ANXA3: variants seen among roughly 807,000 people sequenced by gnomAD.
The protein encoded by ANXA3 is annexin A3.
ANXA3 carries 46 observed loss-of-function variants against 48.8 expected under a neutral mutation model. The observed-to-expected ratio is 0.94, with a 90% CI of 0.74 to 1.21. ANXA3 has a LOEUF of 1.21. Among genes scored for constraint, ANXA3 ranks in the 50% most tolerant of loss-of-function variants. ANXA3 has a pLI of 0.00. For synonymous variants in ANXA3, 128 were observed against 134.7 expected (o/e 0.95, Z 0.35); for missense variants, 383 against 378.6 (o/e 1.01, Z -0.10).
Position 78,554,418 on chromosome 4 carries a change from A to G in ANXA3, c.-38-18A>G, listed in dbSNP as rs964460369. ...AATCACATATTGATACCATTTACTA[A>G]TTGTTTTCTTTTAATAGATTAGTGT... On this transcript the variant is annotated intron_variant, in intron 1 of 12. Coordinates refer to ENST00000264908, the MANE Select transcript of ANXA3 (RefSeq NM_005139.3). The G allele has an allele frequency of 3.3e-5, 50 of 1,520,786 alleles. 1 individual carries two copies. The South Asian group carries it at 4.8e-4, about 15-fold the overall frequency. 94.2% of individuals were successfully genotyped at this position (1,520,786 alleles called of 1,614,324 possible).
chr4:78,585,955 G>A (rs1723166291), intron 5 of ANXA3, among the ~76,000 whole-genome samples: 1 of 152,100 alleles, frequency 6.6e-6, no homozygotes, highest in Non-Finnish European at 1.5e-5. Flanking sequence ...ATGTTGGTAG[G>A]GTTAATCCTG....
In ANXA3 at chr4:78,601,491, T is replaced by C. The variant is rs5943; in HGVS notation, c.731-19T>C. 8,661 of 1,612,440 alleles carry C rather than the reference T, an allele frequency of 5.4e-3. 453 individuals are homozygous for C. In the African/African-American group the frequency reaches 0.1, roughly 19 times the overall value. ...ATTTCTATTCCGTGAAGCTGAACAT[T>C]ATTTGCTTTTTGTTACAGTTAATTG... On this transcript the variant is annotated intron_variant, in intron 10 of 12. Coordinates refer to ENST00000264908, the MANE Select transcript of ANXA3 (RefSeq NM_005139.3).
chr4:78,558,723 C>A (rs1012665776), intron 2 of ANXA3, among the ~76,000 whole-genome samples: 5 of 152,158 alleles, frequency 3.3e-5, no homozygotes, highest in Admixed American at 2.0e-4. Context: ...TTTTGAATAT[C>A]TCTGCTCAGA....
intron 1 of ANXA3, among the ~76,000 whole-genome samples, chr4:78,553,237 C>A (rs549736328): frequency 1.3e-5 from 2 of 152,302 alleles, no homozygotes; most frequent in Admixed American, 1.3e-4. Context: ...CATTACCATA[C>A]CTCTCTGGGC....
chr4:78,559,132 T>C (rs894531419), intron 2 of ANXA3, among the ~76,000 whole-genome samples: 8 of 152,142 alleles, frequency 5.3e-5, no homozygotes, highest in Non-Finnish European at 1.2e-4. Flanking sequence ...CAGGCTGGAG[T>C]GCAGTGGTGC....
chr4:78,604,005 A>G (rs1269771151), intron 11 of ANXA3: 5 of 261,224 alleles, frequency 1.9e-5, no homozygotes, highest in Admixed American at 5.3e-5. Context: ...CTGTTTTGCA[A>G]TGGCTTACTT....
chr4:78,597,418 A>C lies in ANXA3; in HGVS notation c.730+4A>C. 6.3e-7 allele frequency: 1 copy of C among 1,576,606 alleles called. No homozygotes were observed. The highest frequency in any genetic ancestry group is 8.7e-7 in the Non-Finnish European group (1 of 1,150,526). On this transcript the variant is annotated splice_donor_region_variant and intron_variant, in intron 10 of 12. Coordinates refer to ENST00000264908, the MANE Select transcript of ANXA3 (RefSeq NM_005139.3). ...GAAGACTTACTGTTGGCCATAGGTAAGACTTCGAGTGCTGGTAAACTAAGT... is the reference window on the plus strand; with the variant it reads ...GAAGACTTACTGTTGGCCATAGGTACGACTTCGAGTGCTGGTAAACTAAGT...
At chr4:78,606,268 G>A (rs1723643508) in intron 12 of ANXA3, among the ~76,000 whole-genome samples, 1 of 152,190 alleles carries the variant, frequency 6.6e-6, no homozygotes, top group African/African-American at 2.4e-5. Flanking sequence ...CTGAGACTTG[G>A]GGCCTAGAAG....
At chr4:78,598,052 A>G (rs1262006682) in intron 10 of ANXA3, among the ~76,000 whole-genome samples, 2 of 152,130 alleles carry the variant, frequency 1.3e-5, no homozygotes, top group East Asian at 3.9e-4. Context: ...AGACGTAGGC[A>G]AAGCACAGTG....
intron 7 of ANXA3, 48 bp from the exon 8 acceptor site, chr4:78,595,333 A>T: frequency 6.2e-7 from 1 of 1,600,358 alleles, no homozygotes; most frequent in Non-Finnish European, 8.6e-7. Context: ...TATGTGTTAG[A>T]ATCTTCTATC....
chr4:78,563,676 C>A (rs1255395908), intron 2 of ANXA3, among the ~76,000 whole-genome samples: 2 of 152,094 alleles, frequency 1.3e-5, no homozygotes, highest in Non-Finnish European at 2.9e-5. Flanking sequence ...TTATAAGACA[C>A]CCAGTTTGTG....
intron 10 of ANXA3, among the ~76,000 whole-genome samples, chr4:78,600,796 G>A (rs990647502): frequency 5.3e-5 from 8 of 152,094 alleles, no homozygotes; most frequent in Non-Finnish European, 1.0e-4. Context: ...GCTGTAAATA[G>A]GTTTCTTCCC....
intron 2 of ANXA3, among the ~76,000 whole-genome samples, chr4:78,560,624 G>T (rs1722608183): frequency 6.6e-6 from 1 of 152,160 alleles, no homozygotes; most frequent in African/African-American, 2.4e-5. Flanking sequence ...TAAATTATTT[G>T]TTACATGATT....
At chr4:78,595,746 C>A in intron 8 of ANXA3, 48 bp from the exon 9 acceptor site, 2 of 1,246,236 alleles carry the variant, frequency 1.6e-6, no homozygotes, top group Non-Finnish European at 2.3e-6. Context: ...CATGTCACCT[C>A]TCAAAAAGAA....
intron 6 of ANXA3, among the ~76,000 whole-genome samples, chr4:78,588,975 G>T (rs550136519): frequency 6.6e-6 from 1 of 152,266 alleles, no homozygotes; most frequent in African/African-American, 2.4e-5. Context: ...AAGTTGGCTT[G>T]GTATTTTCTG....
At chr4:78,604,236 C>T (rs1723601479) in intron 11 of ANXA3, 41 bp from the exon 12 acceptor site, 2 of 1,552,472 alleles carry the variant, frequency 1.3e-6, no homozygotes, top group Admixed American at 1.8e-5. Context: ...TGCTTTGTGA[C>T]CAATGACATT....
intron 10 of ANXA3, 59 bp from the exon 11 acceptor site, chr4:78,601,451 C>A: frequency 6.7e-7 from 1 of 1,490,370 alleles, no homozygotes; most frequent in Non-Finnish European, 9.4e-7. Flanking sequence ...ATATTACTTA[C>A]TATAGATTAA....
intron 2 of ANXA3, among the ~76,000 whole-genome samples, chr4:78,570,125 C>T (rs1212288707): frequency 6.6e-6 from 1 of 152,236 alleles, no homozygotes; most frequent in East Asian, 1.9e-4. Flanking sequence ...AAATATTTCA[C>T]TAAAATTCCA....
At position 78,610,052 on chromosome 4, in the gene ANXA3, G is replaced by A; in HGVS notation, c.913-4G>A. On this transcript the variant is annotated splice_polypyrimidine_tract_variant and splice_region_variant and intron_variant, in intron 12 of 12. Transcript: ENST00000264908. ...TTGTTCTTCATTGATTTTATTCTTT[G>A]CAGTCGGATACTTCTGGAGACTATG... 4 of 1,601,488 alleles carry A rather than the reference G, an allele frequency of 2.5e-6. No individual in the cohort carries two copies. Among genetic ancestry groups the A allele is most frequent in the Non-Finnish European group, 2.6e-6 (3 of 1,170,548 alleles).
Sources: allele counts gnomAD v4.1 joint callset (sites outside exome capture counted in the v4.1 genomes callset), GRCh38; gene constraint gnomAD v4.1.1; transcripts MANE v1.5; gene names NCBI Gene and HGNC (gene_info 2026-07-23, HGNC 2026-07-21).